The following DMXL1 variants were observed in gnomAD, a reference collection of about 807,000 sequenced individuals.
DMXL1 encodes the protein Dmx like 1, also known as dmX-like protein 1.
DMXL1 carries 99 observed loss-of-function variants against 319.2 expected under a neutral mutation model. The observed-to-expected ratio is 0.31, with a 90% CI of 0.26 to 0.37. The LOEUF (loss-of-function observed/expected upper bound fraction) is 0.37. DMXL1 is among the 10% of genes least tolerant of loss of function. DMXL1 has a pLI of 1.00. For missense variants in DMXL1, 3,745 were observed against 3,595.6 expected, an observed-to-expected ratio of 1.04 and a Z score of -1.06; for synonymous variants, 1,385 against 1,235.2, an observed-to-expected ratio of 1.12 and a Z score of -2.54.
chr5:119,076,048 T>C (rs1750783649), intron 1 of DMXL1, among the ~76,000 whole-genome samples: 1 of 152,160 alleles, frequency 6.6e-6, no homozygotes. Context: ...GTGATTTGAA[T>C]GATATGGAAA....
At chr5:119,164,807 C>CATTT in intron 20 of DMXL1, 131 bp downstream of exon 20, 1 of 706,176 alleles carries the variant, frequency 1.4e-6, no homozygotes, top group East Asian at 2.9e-5. Flanking sequence ...ATAGTCTTTA[C>CATTT]ATTTCATTTA....
At chr5:119,190,124 G>A (rs1197486326) in intron 29 of DMXL1, among the ~76,000 whole-genome samples, 1 of 152,004 alleles carries the variant, frequency 6.6e-6, no homozygotes, top group African/African-American at 2.4e-5. Flanking sequence ...AATAGCTTTT[G>A]CATTTTATTA....
At chr5:119,127,629 G>A (rs576281879) in intron 9 of DMXL1, 1 of 168,060 alleles carries the variant, frequency 6.0e-6, no homozygotes, top group Non-Finnish European at 1.3e-5. Flanking sequence ...AGTAGAGATG[G>A]GGTTTCGTCA....
chr5:119,241,425 C>T (rs572473423), intron 42 of DMXL1, among the ~76,000 whole-genome samples: 1 of 150,462 alleles, frequency 6.6e-6, no homozygotes, highest in East Asian at 2.0e-4. Context: ...GTCCTAGCTA[C>T]TTGGGAGGCT....
chr5:119,159,454 T>G lies in DMXL1; in HGVS notation c.4703-5053T>G, dbSNP rs1771785842. 1.3e-5 allele frequency among the ~76,000 whole-genome samples: 2 copies of G among 152,244 alleles called. 1 individual carries two copies. The highest frequency in any genetic ancestry group is 4.8e-5 in the African/African-American group (2 of 41,468). On this transcript the variant is annotated intron_variant, in intron 19 of 43. Coordinates refer to ENST00000539542, the MANE Select transcript of DMXL1 (RefSeq NM_001290321.3). Reference sequence around the variant, plus strand: ...CTTACTCATCATCAATCTGTTCAGATATTTTATTTTTTCATATTTCAGTTC... The same window carrying G: ...CTTACTCATCATCAATCTGTTCAGAGATTTTATTTTTTCATATTTCAGTTC...
rs1402287546 is a variant in DMXL1 at position 119,248,680 on chromosome 5, T to C, written c.*1461T>C. On this transcript the variant is annotated 3_prime_UTR_variant, in exon 44 of 44. Transcript: ENST00000539542. ...AATGAATTTTGTAATATCCTCAGGA[T>C]ACTTTTATCTTAAAAGTATGTTGTT... The C allele has an allele frequency of 6.6e-6, 1 of 152,528 alleles. No individual in the cohort carries two copies. The highest frequency in any genetic ancestry group is 1.5e-5 in the Non-Finnish European group (1 of 67,930). 9.4% of individuals were successfully genotyped at this position (152,528 alleles called of 1,614,324 possible).
chr5:119,126,094 G>T (rs1004671296), intron 9 of DMXL1, among the ~76,000 whole-genome samples: 6 of 152,148 alleles, frequency 3.9e-5, no homozygotes, highest in African/African-American at 1.4e-4. Flanking sequence ...AACCAGCCTG[G>T]CCAACATGGT....
intron 26 of DMXL1, among the ~76,000 whole-genome samples, chr5:119,176,148 T>A (rs538556169): frequency 6.6e-6 from 1 of 152,224 alleles, no homozygotes; most frequent in South Asian, 2.1e-4. Context: ...TTTTAGAAAT[T>A]CTGTTTTTCA....
chr5:119,191,483 A>G (rs1243626366), intron 29 of DMXL1, among the ~76,000 whole-genome samples: 1 of 152,228 alleles, frequency 6.6e-6, no homozygotes, highest in Non-Finnish European at 1.5e-5. Context: ...ACAAATGTTT[A>G]TTAAGCACTT....
intron 21 of DMXL1, among the ~76,000 whole-genome samples, chr5:119,165,501 A>T (rs539288235): frequency 6.6e-6 from 1 of 152,366 alleles, no homozygotes; most frequent in South Asian, 2.1e-4. Flanking sequence ...CAGATTTATC[A>T]ATCCAGAAAC....
chr5:119,245,763 C>T (rs188002330), intron 43 of DMXL1, among the ~76,000 whole-genome samples: 1 of 151,992 alleles, frequency 6.6e-6, no homozygotes, highest in South Asian at 2.1e-4. Context: ...TGGTCTCGAT[C>T]TCCTGACCTT....
intron 25 of DMXL1, among the ~76,000 whole-genome samples, chr5:119,172,800 C>G (rs945491428): frequency 2.6e-5 from 4 of 151,838 alleles, no homozygotes; most frequent in Admixed American, 2.0e-4. Flanking sequence ...CACACCAATT[C>G]GATTTTCTGT....
At chr5:119,129,566 A>G in intron 10 of DMXL1, 143 bp downstream of exon 10, 1 of 625,256 alleles carries the variant, frequency 1.6e-6, no homozygotes, top group Non-Finnish European at 2.8e-6. Flanking sequence ...TTAATAATCT[A>G]ATGTAGATAT....
chr5:119,080,587 A>G (rs1313167481), intron 1 of DMXL1, among the ~76,000 whole-genome samples: 2 of 152,116 alleles, frequency 1.3e-5, no homozygotes, highest in Admixed American at 6.5e-5. Flanking sequence ...CTCCTGAGTA[A>G]TTTTAATATA....
chr5:119,164,821 C>T (rs536964762), intron 20 of DMXL1, 145 bp downstream of exon 20: 8 of 660,848 alleles, frequency 1.2e-5, no homozygotes, highest in Admixed American at 3.7e-5. Context: ...TCATTTATAA[C>T]GTGTTTCAAA....
Position 119,187,562 on chromosome 5 carries a change from G to A in DMXL1, c.7136-2146G>A, listed in dbSNP as rs115596242. Among the ~76,000 whole-genome samples, 573 of 152,224 alleles carry A rather than the reference G, an allele frequency of 3.8e-3. 5 individuals are homozygous for A. Among genetic ancestry groups the A allele is most frequent in the African/African-American group, 0.013 (536 of 41,542 alleles). ...CATTTCTTGTTTACTGGGTGGCATC[G>A]CTAAGGTCTTTTTAGTTAAAGCATC... On this transcript the variant is annotated intron_variant, in intron 28 of 43. Coordinates refer to ENST00000539542, the MANE Select transcript of DMXL1 (RefSeq NM_001290321.3).
chr5:119,226,683 C>A (rs139391226), intron 38 of DMXL1, among the ~76,000 whole-genome samples: 94 of 152,272 alleles, frequency 6.2e-4, no homozygotes, highest in African/African-American at 2.1e-3. Context: ...AAAACTGCTC[C>A]TTACTTCAGA....
At chr5:119,233,990 AC>A (rs1280528497) in intron 39 of DMXL1, among the ~76,000 whole-genome samples, 2 of 152,170 alleles carry the variant, frequency 1.3e-5, no homozygotes, top group Non-Finnish European at 2.9e-5. Context: ...GACCACAGTT[AC>A]CCCCATTCAT....
At chr5:119,123,244 A>G (rs1453359680) in intron 9 of DMXL1, among the ~76,000 whole-genome samples, 1 of 151,292 alleles carries the variant, frequency 6.6e-6, no homozygotes, top group Non-Finnish European at 1.5e-5. Context: ...GTGAGCCGAG[A>G]TGGCGGCAGT....
Sources: allele counts gnomAD v4.1 joint callset (sites outside exome capture counted in the v4.1 genomes callset), GRCh38; gene constraint gnomAD v4.1.1; transcripts MANE v1.5; gene names NCBI Gene and HGNC (gene_info 2026-07-23, HGNC 2026-07-21).